Variants in PITPNA observed in about 807,000 individuals in gnomAD.
PITPNA encodes phosphatidylinositol transfer protein alpha, also known as phosphatidylinositol transfer protein alpha isoform.
Under a neutral mutation model 50.3 loss-of-function variants are expected in PITPNA, and 13 were observed. The ratio of observed to expected loss-of-function variants is 0.26; its 90% CI spans 0.17 to 0.41. The LOEUF (loss-of-function observed/expected upper bound fraction) is 0.41, where lower values mean the gene tolerates loss of function less well. Among genes scored for constraint, PITPNA ranks in the 10% least tolerant of loss-of-function variants. The pLI, the probability that PITPNA is intolerant of heterozygous loss-of-function variation, is 1.00. For missense variants in PITPNA, 207 were observed against 333.4 expected (o/e 0.62, Z 2.95); for synonymous variants, 120 against 119.6 (o/e 1.00, Z -0.02).
At chr17:1,536,898 T>G (rs1248258583) in intron 7 of PITPNA, among the ~76,000 whole-genome samples, 1 of 148,962 alleles carries the variant, frequency 6.7e-6, no homozygotes, top group East Asian at 2.0e-4. Context: ...CGGCCGATTT[T>G]TTTTTTTTTT....
intron 2 of PITPNA, among the ~76,000 whole-genome samples, chr17:1,556,786 A>G (rs1375938138): frequency 1.3e-5 from 2 of 152,006 alleles, no homozygotes; most frequent in African/African-American, 4.8e-5. Context: ...TGGTTTGGAA[A>G]ATCATCGCTT....
At chr17:1,536,504 T>A (rs193067291) in intron 7 of PITPNA, among the ~76,000 whole-genome samples, 5,157 of 152,172 alleles carry the variant, frequency 0.034, 249 homozygotes, top group African/African-American at 0.11. Flanking sequence ...TTAGCCAGGA[T>A]GGTCTCGATC....
At chr17:1,548,217 C>G in intron 4 of PITPNA, 79 bp downstream of exon 4, 1 of 921,096 alleles carries the variant, frequency 1.1e-6, no homozygotes, top group East Asian at 2.5e-5. Context: ...TTTCCCTGGC[C>G]TAATCCGGAA....
intron 5 of PITPNA, among the ~76,000 whole-genome samples, chr17:1,542,280 T>G (rs2075652018): frequency 6.6e-6 from 1 of 151,770 alleles, no homozygotes; most frequent in South Asian, 2.1e-4. Context: ...ATCCATGCAT[T>G]TAGCCACTCT....
chr17:1,556,149 T>G (rs2075733902), intron 2 of PITPNA, among the ~76,000 whole-genome samples: 1 of 152,192 alleles, frequency 6.6e-6, no homozygotes, highest in African/African-American at 2.4e-5. Flanking sequence ...GATCATGAAT[T>G]GTTTCTTCTT....
intron 2 of PITPNA, among the ~76,000 whole-genome samples, chr17:1,554,545 T>G (rs16948748): frequency 0.058 from 8,874 of 151,928 alleles, 318 homozygotes; most frequent in African/African-American, 0.099. Flanking sequence ...GGACTGGGTT[T>G]TTCTCTCTTT....
chr17:1,556,515 G>C (rs1225698103), intron 2 of PITPNA, among the ~76,000 whole-genome samples: 1 of 152,088 alleles, frequency 6.6e-6, no homozygotes, highest in Admixed American at 6.5e-5. Context: ...ACAGCCCCAG[G>C]TGCTCCAGGA....
chr17:1,545,055 G>A (rs1466855782), intron 4 of PITPNA, among the ~76,000 whole-genome samples: 2 of 151,062 alleles, frequency 1.3e-5, no homozygotes, highest in Non-Finnish European at 2.9e-5. Flanking sequence ...GTATCCAGCC[G>A]AGGACTATAG....
At chr17:1,549,371 T>C (rs1227971464) in intron 3 of PITPNA, among the ~76,000 whole-genome samples, 2 of 150,002 alleles carry the variant, frequency 1.3e-5, no homozygotes, top group African/African-American at 4.9e-5. Context: ...AGCTGGAGTG[T>C]AGTGGCTCGA....
At chr17:1,547,530 AT>A (rs1469770908) in intron 4 of PITPNA, among the ~76,000 whole-genome samples, 1 of 151,516 alleles carries the variant, frequency 6.6e-6, no homozygotes, top group East Asian at 2.0e-4. Flanking sequence ...TATGCCTGTA[AT>A]TCCAGCTACT....
At position 1,562,530 on chromosome 17, in the gene PITPNA, C is replaced by T; in HGVS notation, c.20+11G>A. ...CTCCTCCCCGCTTCCGCACGGCCGC[C>T]GGACACTCACTACTCCTTGAGCAGC... On this transcript the variant is annotated intron_variant, in intron 1 of 11. Transcript: ENST00000313486. This position sits in a 1 kb window ranked among gnomAD's most constrained non-coding sequence, Gnocchi z 6.4. 1 of 1,435,596 alleles carries T rather than the reference C, an allele frequency of 7.0e-7. No individual in the cohort carries two copies. The allele number at this position is 1,435,596 out of a possible 1,614,324, so 88.9% of individuals were successfully genotyped here. A position where few individuals can be genotyped will look rare whatever the true frequency, so the allele number is the denominator to read the frequency against.
In PITPNA at chr17:1,543,020, T is replaced by C; in HGVS notation, c.297A>G (p.Thr99=). Residue 99 remains threonine, a splice_region_variant and synonymous_variant, in exon 5 of 12, where the codon ACA becomes ACG. Transcript: ENST00000313486. The part of the protein sequence containing the change: ...NAYPYCRTVI[T]NEYMKEDFLI... The stretch of plus-strand genomic sequence containing the variant: ...TTCCAACCCCCTTGACAATACTTAC[T>C]GTAATAACTGCTCCGAGGCAAGGAC... 5 of 1,587,326 alleles carry C rather than the reference T, an allele frequency of 3.1e-6. No homozygotes were observed. The South Asian group carries it at 3.3e-5, about 11-fold the overall frequency.
chr17:1,559,032 G>T (rs573916125), intron 1 of PITPNA, among the ~76,000 whole-genome samples: 132 of 152,158 alleles, frequency 8.7e-4, no homozygotes, highest in African/African-American at 3.0e-3. Flanking sequence ...GACCTATCAT[G>T]GTGAGGATTC....
intron 3 of PITPNA, 31 bp from the exon 4 acceptor site, chr17:1,548,418 G>T: frequency 6.9e-7 from 1 of 1,455,066 alleles, no homozygotes; most frequent in South Asian, 1.2e-5. Context: ...GGTATAAAGA[G>T]AAATGGTAGA....
chr17:1,557,358 G>T (rs2075740343), intron 2 of PITPNA, among the ~76,000 whole-genome samples: 1 of 152,214 alleles, frequency 6.6e-6, no homozygotes, highest in African/African-American at 2.4e-5. Flanking sequence ...TTTTTCAAAG[G>T]TGCAGTTCAT....
chr17:1,540,707 G>A (rs555716509), intron 6 of PITPNA, among the ~76,000 whole-genome samples: 2 of 151,870 alleles, frequency 1.3e-5, no homozygotes, highest in Admixed American at 6.6e-5. Flanking sequence ...TCCTGCCTCA[G>A]CCTCCTGAGT....
intron 10 of PITPNA, among the ~76,000 whole-genome samples, chr17:1,533,888 T>C (rs180836781): frequency 3.3e-5 from 5 of 152,310 alleles, no homozygotes; most frequent in Admixed American, 3.3e-4. Flanking sequence ...TCTGTGGGTA[T>C]GCCAAGACTT....
rs869029944 is a variant in PITPNA at position 1,521,873 on chromosome 17, CTT to C, written c.769-230_769-229del. 3.6e-3 allele frequency among the ~76,000 whole-genome samples: 443 copies of C among 121,798 alleles called. 1 individual carries two copies. The highest frequency in any genetic ancestry group is 6.2e-3 in the Non-Finnish European group (368 of 59,008). The allele number at this position is 121,798 out of a possible 152,430, so 79.9% of individuals were successfully genotyped here. On this transcript the variant is annotated intron_variant, in intron 10 of 11. Transcript: ENST00000313486. ...TCTCGTGTCACGGTGTTTGAAGCAC[CTT>C]TTTTTTTTTTTTTTTTTTGGTAAAG...
intron 3 of PITPNA, among the ~76,000 whole-genome samples, chr17:1,549,477 C>A (rs973765884): frequency 6.6e-6 from 1 of 151,016 alleles, no homozygotes; most frequent in Non-Finnish European, 1.5e-5. Context: ...CCACCACGCC[C>A]GGCTAATTTT....
Sources: gnomAD v4.1 joint callset for allele counts (sites outside exome capture counted in the v4.1 genomes callset) on GRCh38, gnomAD v4.1.1 for gene constraint, Gnocchi (gnomAD v3.1) non-coding constraint, MANE v1.5 for transcripts, NCBI Gene and HGNC (gene_info 2026-07-23, HGNC 2026-07-21) for gene names.